UACA: variants seen among roughly 807,000 people sequenced by gnomAD.
UACA encodes the protein uveal autoantigen with coiled-coil domains and ankyrin repeats.
UACA carries 112 observed loss-of-function variants against 160.5 expected under a neutral mutation model. That is an observed-to-expected ratio of 0.70 (90% CI 0.60 to 0.82). UACA has a LOEUF of 0.82. Among genes scored for constraint, UACA ranks in the 40% least tolerant of loss-of-function variants. UACA has a pLI of 0.00. For synonymous variants in UACA, 557 were observed against 568.4 expected, an observed-to-expected ratio of 0.98 and a Z score of 0.29; for missense variants, 1,574 against 1,614.6, an observed-to-expected ratio of 0.97 and a Z score of 0.43.
intron 17 of UACA, among the ~76,000 whole-genome samples, chr15:70,664,346 C>T (rs1309946567): frequency 2.6e-5 from 4 of 152,112 alleles, no homozygotes; most frequent in Non-Finnish European, 4.4e-5. Flanking sequence ...AGCTGAATGA[C>T]CCCAGGCATC....
At position 70,665,558 on chromosome 15, in the gene UACA, G is replaced by C. The variant is rs7183567; in HGVS notation, c.3961-744C>G. Among the ~76,000 whole-genome samples, 44 of 152,220 alleles carry C rather than the reference G, an allele frequency of 2.9e-4. No homozygotes were observed. The Middle Eastern group carries it at 0.014, about 47-fold the overall frequency. ...GAATTCAAGACCAGCCTGGGCAATAGAGCAAGATACCATCTCCTCCCCCAC... is the reference window on the plus strand; with the variant it reads ...GAATTCAAGACCAGCCTGGGCAATACAGCAAGATACCATCTCCTCCCCCAC... On this transcript the variant is annotated intron_variant, in intron 16 of 18. Transcript: ENST00000322954.
chr15:70,688,705 T>A (rs1337410468), intron 5 of UACA, among the ~76,000 whole-genome samples: 2 of 151,980 alleles, frequency 1.3e-5, no homozygotes, highest in Non-Finnish European at 2.9e-5. Context: ...CATAATAAAT[T>A]CCAGAGTTTA....
At chr15:70,763,278 G>A (rs1254323396) in intron 1 of UACA, 52 bp downstream of exon 1, 25 of 1,309,644 alleles carry the variant, frequency 1.9e-5, no homozygotes, top group Non-Finnish European at 2.3e-5. Flanking sequence ...GCAAAGGAGG[G>A]CTGCGCTGCT....
At chr15:70,756,880 TA>T (rs1250919319) in intron 1 of UACA, among the ~76,000 whole-genome samples, 8 of 152,078 alleles carry the variant, frequency 5.3e-5, no homozygotes, top group African/African-American at 1.9e-4. Flanking sequence ...CTCCAAAAAA[TA>T]AAATGAAGGA....
intron 1 of UACA, among the ~76,000 whole-genome samples, chr15:70,720,607 T>C (rs562986834): frequency 6.6e-6 from 1 of 152,340 alleles, no homozygotes; most frequent in East Asian, 1.9e-4. Flanking sequence ...ATAAAAGACG[T>C]AGAAATCCTA....
intron 7 of UACA, among the ~76,000 whole-genome samples, chr15:70,685,756 T>G (rs1226918136): frequency 6.6e-6 from 1 of 152,116 alleles, no homozygotes; most frequent in Non-Finnish European, 1.5e-5. Flanking sequence ...TCAACCAGAT[T>G]ATCCCTCTGT....
chr15:70,772,492 CAAAAAAAAAAAAAA>C, the UACA span, among the ~76,000 whole-genome samples: 2 of 49,520 alleles, frequency 4.0e-5, no homozygotes, highest in African/African-American at 5.6e-5. Context: ...GCCTCCATCT[CAAAAAAAAAAAAAA>C]AAAAAAAAAA....
Position 70,659,395 on chromosome 15 carries a change from GTTTTTTTT to G in UACA, c.4179+748_4179+755del, listed in dbSNP as rs71152307. 1.8e-3 allele frequency among the ~76,000 whole-genome samples: 34 copies of G among 18,834 alleles called. No homozygotes were observed. The East Asian group carries it at 0.025, about 14-fold the overall frequency. 12.4% of individuals were successfully genotyped at this position (18,834 alleles called of 152,430 possible). A position where few individuals can be genotyped will look rare whatever the true frequency, so the allele number is the denominator to read the frequency against. On this transcript the variant is annotated intron_variant, in intron 18 of 18. Coordinates refer to ENST00000322954, the MANE Select transcript of UACA (RefSeq NM_018003.4). ...TCTTTCCCTTCTTCATTTTTTGTTT[GTTTTTTTT>G]TTTTTTTTTTTTTTTTTTTGCTTGT...
chr15:70,774,310 G>A, the UACA span, among the ~76,000 whole-genome samples: 1 of 152,136 alleles, frequency 6.6e-6, no homozygotes, highest in Non-Finnish European at 1.5e-5. Context: ...ACTTTGGGAG[G>A]CCGAGGCGGG....
chr15:70,713,208 G>A (rs1008803964), intron 1 of UACA, among the ~76,000 whole-genome samples: 2 of 152,122 alleles, frequency 1.3e-5, no homozygotes, highest in South Asian at 2.1e-4. Flanking sequence ...AAAATTAGCC[G>A]CGCGCGGTGG....
Position 70,684,333 on chromosome 15 carries a change from T to C in UACA, c.716A>G (p.Tyr239Cys), listed in dbSNP as rs764995653. 10 of 1,613,698 alleles carry C rather than the reference T, an allele frequency of 6.2e-6. No individual in the cohort carries two copies. The highest frequency in any genetic ancestry group is 1.1e-5 in the South Asian group (1 of 91,032). The change falls in exon 8 of 19, where the codon TAT (tyrosine) becomes TGT (cysteine). Residue 239 changes from tyrosine (Y) to cysteine (C), a missense_variant. Physicochemically the swap from Tyr to Cys is radical, Grantham distance 194. Coordinates refer to ENST00000322954, the MANE Select transcript of UACA (RefSeq NM_018003.4). ...GTCCAGATTGTCACCAATTCTTGCA[T>C]AGTAAGAACTATCATGGCCAAGCGC... ...LDALGHDSSYYARIGDNLDIL... is the reference protein window; with the variant it reads ...LDALGHDSSYCARIGDNLDIL...
chr15:70,679,715 A>G, intron 9 of UACA, 39 bp from the exon 10 acceptor site: 2 of 1,354,712 alleles, frequency 1.5e-6, no homozygotes, highest in Non-Finnish European at 2.1e-6. Context: ...CAGCAAGTGT[A>G]AGAATACAGA....
intron 1 of UACA, among the ~76,000 whole-genome samples, chr15:70,756,309 A>T (rs1194452352): frequency 6.6e-6 from 1 of 151,570 alleles, no homozygotes; most frequent in Non-Finnish European, 1.5e-5. Flanking sequence ...TGAGACTACA[A>T]ATGACCATGC....
At chr15:70,722,394 C>G (rs550554417) in intron 1 of UACA, among the ~76,000 whole-genome samples, 1 of 151,918 alleles carries the variant, frequency 6.6e-6, no homozygotes, top group African/African-American at 2.4e-5. Flanking sequence ...AGTAGCTCAT[C>G]ATGGCCTCGA....
At chr15:70,740,921 C>G (rs1899514459) in intron 1 of UACA, among the ~76,000 whole-genome samples, 1 of 151,578 alleles carries the variant, frequency 6.6e-6, no homozygotes, top group African/African-American at 2.4e-5. Context: ...CGCCTGTAGC[C>G]CCAGCTACTC....
chr15:70,763,019 G>A (rs1190648391), intron 1 of UACA, among the ~76,000 whole-genome samples: 2 of 152,200 alleles, frequency 1.3e-5, no homozygotes, highest in African/African-American at 4.8e-5. Flanking sequence ...CGGAGTAGGG[G>A]TGCCAATCGA....
At chr15:70,745,426 T>G (rs937599129) in intron 1 of UACA, among the ~76,000 whole-genome samples, 1 of 137,032 alleles carries the variant, frequency 7.3e-6, no homozygotes, top group African/African-American at 2.7e-5. Context: ...GCAGCAAGAC[T>G]CTGTCTCAAA....
intron 1 of UACA, among the ~76,000 whole-genome samples, chr15:70,714,232 T>A (rs939378821): frequency 4.6e-5 from 7 of 152,216 alleles, no homozygotes; most frequent in African/African-American, 1.7e-4. Flanking sequence ...TGGCTAGAAA[T>A]ATTTCCCCCA....
At chr15:70,751,467 CATGTATTGAGTTACCTAT>C (rs2030050743) in intron 1 of UACA, among the ~76,000 whole-genome samples, 1 of 152,176 alleles carries the variant, frequency 6.6e-6, no homozygotes, top group Non-Finnish European at 1.5e-5. Flanking sequence ...GCAATATAAA[CATGTATTGAGTTACCTAT>C]ATAAAGCACC....
Sources: gnomAD v4.1 joint callset for allele counts (sites outside exome capture counted in the v4.1 genomes callset) on GRCh38, gnomAD v4.1.1 for gene constraint, MANE v1.5 for transcripts, NCBI Gene and HGNC (gene_info 2026-07-23, HGNC 2026-07-21) for gene names.